Variants in ITGA1 observed in about 807,000 individuals in gnomAD.
The protein encoded by ITGA1 is integrin alpha-1.
In ITGA1, 85 loss-of-function variants were observed where a neutral mutation model predicts 145.9. The observed-to-expected ratio is 0.58, with a 90% CI of 0.49 to 0.70. The LOEUF (loss-of-function observed/expected upper bound fraction) is 0.70. ITGA1 is among the 30% of genes least tolerant of loss of function. ITGA1 has a pLI of 0.00. For synonymous variants in ITGA1, 520 were observed against 495.3 expected, an observed-to-expected ratio of 1.05 and a Z score of -0.66; for missense variants, 1,351 against 1,418.7, an observed-to-expected ratio of 0.95 and a Z score of 0.77.
intron 3 of ITGA1, among the ~76,000 whole-genome samples, chr5:52,864,453 G>A (rs1164963064): frequency 1.3e-5 from 2 of 152,152 alleles, no homozygotes; most frequent in Non-Finnish European, 2.9e-5. Flanking sequence ...ACAGTATTAT[G>A]AGATTAAAAA....
At chr5:52,807,785 A>G (rs1408813594) in intron 1 of ITGA1, among the ~76,000 whole-genome samples, 1 of 152,214 alleles carries the variant, frequency 6.6e-6, no homozygotes, top group Non-Finnish European at 1.5e-5. Context: ...ACTATCCAGC[A>G]TTCATTTATT....
intron 14 of ITGA1, among the ~76,000 whole-genome samples, chr5:52,912,152 ATGC>A (rs1340389992): frequency 9.8e-5 from 14 of 143,252 alleles, no homozygotes; most frequent in Non-Finnish European, 1.8e-4. Flanking sequence ...GTATATAGAT[ATGC>A]TATATATAGC....
chr5:52,857,847 C>T (rs1561228848), intron 2 of ITGA1, among the ~76,000 whole-genome samples: 2 of 152,286 alleles, frequency 1.3e-5, no homozygotes, highest in South Asian at 4.1e-4. Flanking sequence ...GCCCACTTGC[C>T]TACAGAAGTA....
intron 18 of ITGA1, among the ~76,000 whole-genome samples, chr5:52,923,300 G>T (rs1281177787): frequency 6.6e-6 from 1 of 152,152 alleles, no homozygotes; most frequent in African/African-American, 2.4e-5. Context: ...ACAAGGGGTT[G>T]CTGGTTCTTG....
chr5:52,921,113 G>A (rs1402903710), intron 17 of ITGA1, among the ~76,000 whole-genome samples: 2 of 151,962 alleles, frequency 1.3e-5, no homozygotes, highest in Non-Finnish European at 2.9e-5. Context: ...GTGTATATGG[G>A]GAATGTTCCC....
intron 1 of ITGA1, among the ~76,000 whole-genome samples, chr5:52,827,842 C>T (rs557914821): frequency 1.3e-5 from 2 of 152,136 alleles, no homozygotes; most frequent in African/African-American, 2.4e-5. Context: ...AGAAATAATG[C>T]TTTGTGTACT....
chr5:52,886,241 A>G (rs1041845679), intron 7 of ITGA1, among the ~76,000 whole-genome samples: 1 of 152,168 alleles, frequency 6.6e-6, no homozygotes, highest in Non-Finnish European at 1.5e-5. Flanking sequence ...AATTAGTACA[A>G]CTATATCCTG....
intron 1 of ITGA1, among the ~76,000 whole-genome samples, chr5:52,831,315 G>C (rs925685238): frequency 6.6e-6 from 1 of 151,968 alleles, no homozygotes; most frequent in African/African-American, 2.4e-5. Flanking sequence ...TGTATTTTTA[G>C]TAGAGATGGG....
chr5:52,835,717 G>C (rs1158884462), intron 1 of ITGA1, among the ~76,000 whole-genome samples: 1 of 152,118 alleles, frequency 6.6e-6, no homozygotes, highest in African/African-American at 2.4e-5. Context: ...AGATTCCATT[G>C]ATGTCACAAG....
intron 28 of ITGA1, 55 bp from the exon 29 acceptor site, chr5:52,952,352 T>C: frequency 1.1e-6 from 1 of 944,520 alleles, no homozygotes; most frequent in South Asian, 1.7e-5. Context: ...AGGATTAATA[T>C]TTGCTACCTA....
chr5:52,851,796 T>G (rs1028353012), intron 2 of ITGA1, among the ~76,000 whole-genome samples: 1 of 152,184 alleles, frequency 6.6e-6, no homozygotes, highest in Non-Finnish European at 1.5e-5. Context: ...TGTTGGTGGG[T>G]TAGGTTTTTT....
At position 52,933,892 on chromosome 5, in the gene ITGA1, A is replaced by T; in HGVS notation, c.2862-2A>T. The T allele has an allele frequency of 1.4e-6, 2 of 1,433,764 alleles. No homozygotes were observed. Among genetic ancestry groups the T allele is most frequent in the Non-Finnish European group, 9.4e-7 (1 of 1,065,530 alleles). The allele number at this position is 1,433,764 out of a possible 1,614,324, so 88.8% of individuals were successfully genotyped here. ...TATTTTTCTTCTAATTAATTTTTTA[A>T]GCTCTGCAAGTGAATACCACATTTC... On this transcript the variant is annotated splice_acceptor_variant, in intron 22 of 28. Coordinates refer to ENST00000282588, the MANE Select transcript of ITGA1 (RefSeq NM_181501.2). LOFTEE classifies it high-confidence loss of function.
chr5:52,802,114 A>G, intron 1 of ITGA1: 2 of 330,988 alleles, frequency 6.0e-6, no homozygotes, highest in Non-Finnish European at 1.1e-5. Context: ...GAAACAGAAA[A>G]TGTGTGTATT....
In ITGA1 at chr5:52,952,397, T is replaced by A; in HGVS notation, c.3496-10T>A. 7.1e-7 allele frequency: 1 copy of A among 1,406,516 alleles called. No individual in the cohort carries two copies. Among genetic ancestry groups the A allele is most frequent in the South Asian group, 1.3e-5 (1 of 75,682 alleles). The allele number at this position is 1,406,516 out of a possible 1,614,324, so 87.1% of individuals were successfully genotyped here. The stretch of plus-strand genomic sequence containing the variant: ...AGTTAATTGTGTTATGTTTTGTGTT[T>A]TCTCAACAGATTGGATTCTTCAAAA... On this transcript the variant is annotated splice_polypyrimidine_tract_variant and intron_variant, in intron 28 of 28. Coordinates refer to ENST00000282588, the MANE Select transcript of ITGA1 (RefSeq NM_181501.2).
At chr5:52,834,769 A>G (rs925012103) in intron 1 of ITGA1, among the ~76,000 whole-genome samples, 7 of 152,030 alleles carry the variant, frequency 4.6e-5, no homozygotes, top group African/African-American at 1.7e-4. Context: ...TTATAAGGAC[A>G]ATGGTCCTAT....
intron 18 of ITGA1, among the ~76,000 whole-genome samples, chr5:52,923,109 T>C (rs1750754413): frequency 6.6e-6 from 1 of 152,110 alleles, no homozygotes; most frequent in African/African-American, 2.4e-5. Flanking sequence ...CCTGGGGAAT[T>C]TTAAGGAGTT....
chr5:52,912,738 G>GTA (rs556772596), intron 14 of ITGA1, among the ~76,000 whole-genome samples: 4,337 of 111,332 alleles, frequency 0.039, 87 homozygotes, highest in South Asian at 0.057. Context: ...GTGTGTGTGT[G>GTA]TGTATATATA....
At chr5:52,890,653 C>G (rs1404355535) in intron 8 of ITGA1, among the ~76,000 whole-genome samples, 2 of 152,162 alleles carry the variant, frequency 1.3e-5, no homozygotes, top group Non-Finnish European at 2.9e-5. Context: ...TTGATACAGG[C>G]ATACAGTGGC....
intron 5 of ITGA1, 151 bp from the exon 6 acceptor site, chr5:52,865,539 C>T (rs1392428799): frequency 3.0e-5 from 17 of 567,072 alleles, no homozygotes; most frequent in South Asian, 2.5e-4. Flanking sequence ...TTTACTTTTT[C>T]GAAAACTATT....
Sources: gnomAD v4.1 joint callset for allele counts (sites outside exome capture counted in the v4.1 genomes callset) on GRCh38, gnomAD v4.1.1 for gene constraint, MANE v1.5 for transcripts, NCBI Gene and HGNC (gene_info 2026-07-23, HGNC 2026-07-21) for gene names.